The following FGD1 variants were observed in gnomAD, a reference collection of about 807,000 sequenced individuals.
The protein encoded by FGD1 is FYVE, RhoGEF and PH domain containing 1, also known as FYVE, RhoGEF and PH domain-containing protein 1.
A neutral mutation model predicts 65.0 loss-of-function variants in FGD1; 12 were observed. That is an observed-to-expected ratio of 0.18 (90% CI 0.12 to 0.30). FGD1 has a LOEUF of 0.30. FGD1 is among the 10% of genes least tolerant of loss of function. The pLI is 1.00. For missense variants in FGD1, 542 were observed against 837.6 expected, an observed-to-expected ratio of 0.65 and a Z score of 4.36; for synonymous variants, 333 against 343.9, an observed-to-expected ratio of 0.97 and a Z score of 0.35.
At chrX:54,493,767 C>T (rs1401435072) in intron 1 of FGD1, among the ~76,000 whole-genome samples, 1 of 112,199 alleles carries the variant, frequency 8.9e-6, no homozygotes. Flanking sequence ...CTTCAGCCCA[C>T]ACTGAGGGAG....
chrX:54,492,716 T>C (rs994603655), intron 1 of FGD1, among the ~76,000 whole-genome samples: 3 of 111,529 alleles, frequency 2.7e-5, no homozygotes, highest in Non-Finnish European at 5.7e-5. Flanking sequence ...TTTTTTAAAC[T>C]CCTGGTTGCT....
intron 1 of FGD1, among the ~76,000 whole-genome samples, chrX:54,483,640 T>A (rs917802895): frequency 3.6e-5 from 4 of 112,006 alleles, no homozygotes; most frequent in African/African-American, 1.3e-4. Context: ...GATAGGCATA[T>A]CTGATGCCAA....
At chrX:54,488,642 TTAAAC>T (rs1459464345) in intron 1 of FGD1, among the ~76,000 whole-genome samples, 1 of 111,228 alleles carries the variant, frequency 9.0e-6, no homozygotes, top group Non-Finnish European at 1.9e-5. Flanking sequence ...ACTACCGACT[TTAAAC>T]TATACTTACA....
chrX:54,449,067 G>T, intron 15 of FGD1, 76 bp downstream of exon 15: 1 of 1,200,141 alleles, frequency 8.3e-7, no homozygotes, highest in Non-Finnish European at 1.1e-6. Context: ...CACTTGGAGG[G>T]TACCCACTCT....
chrX:54,470,933 C>G (rs1922876917), intron 2 of FGD1, among the ~76,000 whole-genome samples, 173 bp from the exon 3 acceptor site: 1 of 106,396 alleles, frequency 9.4e-6, no homozygotes, highest in South Asian at 4.3e-4. Context: ...TGCTTGAACT[C>G]AGGAGGCGGA....
intron 12 of FGD1, among the ~76,000 whole-genome samples, chrX:54,454,660 A>AAG (rs1248077777): frequency 6.4e-5 from 7 of 109,136 alleles, no homozygotes; most frequent in Admixed American, 2.0e-4. Context: ...AAAAAAAAAA[A>AAG]AAAAGAAAAG....
chrX:54,462,761 CCTT>C (rs1331321108), intron 8 of FGD1, among the ~76,000 whole-genome samples: 1 of 96,114 alleles, frequency 1.0e-5, no homozygotes, highest in Non-Finnish European at 2.1e-5. Flanking sequence ...TAGGGCTGCT[CCTT>C]CTTTTTTTTT....
chrX:54,488,029 G>A (rs146673039), intron 1 of FGD1, among the ~76,000 whole-genome samples: 4,308 of 107,615 alleles, frequency 0.04, 84 homozygotes, highest in South Asian at 0.099. Flanking sequence ...ACTTTGGGAG[G>A]CCGAGGCGGG....
chrX:54,485,724 G>A (rs1384451705), intron 1 of FGD1, among the ~76,000 whole-genome samples: 3 of 110,729 alleles, frequency 2.7e-5, no homozygotes, highest in Non-Finnish European at 5.7e-5. Flanking sequence ...TCCCCTATCA[G>A]CCTCCGAAAG....
At position 54,495,302 on chromosome X, in the gene FGD1, G is replaced by A. The variant is rs1923507052; in HGVS notation, c.131C>T (p.Ala44Val). 2 of 1,180,590 alleles carry A rather than the reference G, an allele frequency of 1.7e-6. No individual in the cohort carries two copies. Among genetic ancestry groups the A allele is most frequent in the East Asian group, 6.3e-5 (2 of 31,872 alleles). The change falls in exon 1 of 18, where the codon GCG (alanine) becomes GTG (valine). Residue 44 changes from alanine to valine, a missense_variant. This residue lies in a region of FGD1 where 297 missense variants were observed against 326.8 expected (regional missense o/e 0.91). Transcript: ENST00000375135. ...AAGAGCCGAACCTGAGCCCCTGCGC[G>A]CCAGCAGTCCGGGTTCCGAGGCTCC... ...DPGASEPGLL[A>V]RRGSGSALGG...
At chrX:54,455,427 G>C (rs1189084975) in intron 12 of FGD1, 21 bp downstream of exon 12, 1 of 1,168,489 alleles carries the variant, frequency 8.6e-7, no homozygotes, top group Admixed American at 2.2e-5. Context: ...CTGGAGGAAA[G>C]GCATAGGCAA....
In FGD1 at chrX:54,486,004, A is replaced by G. The variant is rs1923265534; in HGVS notation, c.307+9122T>C. 3.6e-5 allele frequency among the ~76,000 whole-genome samples: 4 copies of G among 109,734 alleles called. No homozygotes were observed. In the South Asian group the frequency reaches 1.6e-3, roughly 43 times the overall value. On this transcript the variant is annotated intron_variant, in intron 1 of 17. Coordinates refer to ENST00000375135, the MANE Select transcript of FGD1 (RefSeq NM_004463.3). ...TGGCCAGGATGGTCTCAATCTCTTG[A>G]CCTTGTGATCCACCCACCTCGGCCT... is the stretch of plus-strand genomic sequence containing the variant.
At chrX:54,476,067 AAAACAAAC>A (rs747677905) in intron 1 of FGD1, among the ~76,000 whole-genome samples, 20 of 111,571 alleles carry the variant, frequency 1.8e-4, no homozygotes, top group African/African-American at 2.6e-4. Flanking sequence ...CTCTGTCTCA[AAAACAAAC>A]AAACAAACAA....
At chrX:54,490,704 A>G (rs1234780700) in intron 1 of FGD1, among the ~76,000 whole-genome samples, 1 of 110,821 alleles carries the variant, frequency 9.0e-6, no homozygotes, top group East Asian at 2.8e-4. Flanking sequence ...ATCTTCCCTC[A>G]AACCTCCTCC....
In FGD1 at chrX:54,487,677, T is replaced by C. The variant is rs140640721; in HGVS notation, c.307+7449A>G. On this transcript the variant is annotated intron_variant, in intron 1 of 17. Transcript: ENST00000375135. ...TAAAAAGAACAAAGCCAGCTGGGCA[T>C]GGTGGCTCAAGCTTATAATCCCAGC... is the stretch of plus-strand genomic sequence containing the variant. 4.4e-3 allele frequency among the ~76,000 whole-genome samples: 499 copies of C among 112,238 alleles called. 4 individuals carry two copies. The highest frequency in any genetic ancestry group is 0.015 in the African/African-American group (469 of 30,979).
chrX:54,453,027 G>T (rs779534397), intron 12 of FGD1, among the ~76,000 whole-genome samples: 1 of 112,002 alleles, frequency 8.9e-6, no homozygotes, highest in African/African-American at 3.2e-5. Context: ...GGCAGTAAAA[G>T]TGACTGCAAA....
At chrX:54,452,266 C>CAAA (rs776104292) in intron 12 of FGD1, among the ~76,000 whole-genome samples, 41 of 28,749 alleles carry the variant, frequency 1.4e-3, no homozygotes, top group African/African-American at 2.3e-3. Flanking sequence ...GACCCTATCT[C>CAAA]AAAAAAAAAA....
rs745585514 is a variant in FGD1 at position 54,465,410 on chromosome X, A to C, written c.1636+41T>G. On this transcript the variant is annotated intron_variant, in intron 8 of 17. Coordinates refer to ENST00000375135, the MANE Select transcript of FGD1 (RefSeq NM_004463.3). Reference sequence around the variant, plus strand: ...CTCAGAGGTCTGGCCTAGAGCTATTAGTGTGGAGAAGTAGGAAGGGGCCTG... The same window carrying C: ...CTCAGAGGTCTGGCCTAGAGCTATTCGTGTGGAGAAGTAGGAAGGGGCCTG... 13 of 1,180,305 alleles carry C rather than the reference A, an allele frequency of 1.1e-5. No homozygotes were observed. In the African/African-American group the frequency reaches 2.1e-4, roughly 19 times the overall value.
chrX:54,468,646 G>A, intron 5 of FGD1, 141 bp downstream of exon 5: 1 of 491,193 alleles, frequency 2.0e-6, no homozygotes. Context: ...TCAGGGACAA[G>A]CTGACTTCAA....
Sources: gnomAD v4.1 joint callset for allele counts (sites outside exome capture counted in the v4.1 genomes callset) on GRCh38, gnomAD v4.1.1 for gene constraint, gnomAD v4.1.1 regional missense constraint, MANE v1.5 for transcripts, NCBI Gene and HGNC (gene_info 2026-07-23, HGNC 2026-07-21) for gene names.